The following ABCA2 variants were observed in gnomAD, a reference collection of about 807,000 sequenced individuals.
The protein encoded by ABCA2 is ATP binding cassette subfamily A member 2.
In ABCA2, 84 loss-of-function variants were observed where a neutral mutation model predicts 262.8. The observed-to-expected ratio is 0.32, with a 90% CI of 0.27 to 0.38. The LOEUF (loss-of-function observed/expected upper bound fraction) is 0.38, where lower values mean the gene tolerates loss of function less well. ABCA2 is among the 10% of genes least tolerant of loss of function. The pLI is 1.00. For synonymous variants in ABCA2, 1,696 were observed against 1,502.9 expected (o/e 1.13, Z -2.97); for missense variants, 2,662 against 3,405.9 (o/e 0.78, Z 5.44).
Position 137,008,466 on chromosome 9 carries a change from C to G in ABCA2, c.7225G>C (p.Glu2409Gln). ...CCCTCGTCCTCCGTGTCCAGGTCCTCGGGCTCGTCTGCCACAAGTGCCCGG... is the reference window on the plus strand; with the variant it reads ...CCCTCGTCCTCCGTGTCCAGGTCCTGGGGCTCGTCTGCCACAAGTGCCCGG... ...ELRALVADEP[E>Q]DLDTEDEGLI... is the part of the protein sequence containing the mutation. Residue 2409 changes from glutamate (E) to glutamine (Q), a missense_variant, in exon 48 of 49, where the codon GAG becomes CAG. Glu to Gln is a conservative substitution (Grantham distance 29, BLOSUM62 2). This residue lies in a region of ABCA2 where 212 missense variants were observed against 214.4 expected (regional missense o/e 0.99). Coordinates refer to ENST00000341511, the MANE Select transcript of ABCA2 (RefSeq NM_001606.5). 1.3e-6 allele frequency: 2 copies of G among 1,562,252 alleles called. No individual in the cohort carries two copies. The highest frequency in any genetic ancestry group is 1.7e-6 in the Non-Finnish European group (2 of 1,153,902).
chr9:137,014,636 C>G lies in ABCA2; in HGVS notation c.4003+54G>C. ...CCAGGCAGGAGTGACAGCGCAGGCC[C>G]GAGCTGGGGCCTTGTGGGTGGGGTG... On this transcript the variant is annotated intron_variant, in intron 26 of 48. Transcript: ENST00000341511. The G allele has an allele frequency of 2.5e-6, 4 of 1,572,756 alleles. No individual in the cohort carries two copies. The South Asian group carries it at 4.7e-5, about 18-fold the overall frequency.
intron 2 of ABCA2, 57 bp downstream of exon 2, chr9:137,024,086 A>G: frequency 6.5e-7 from 1 of 1,549,800 alleles, no homozygotes; most frequent in Non-Finnish European, 8.7e-7. Flanking sequence ...CACACAGCGC[A>G]GGCGTGCGAG....
rs764315344 is a variant in ABCA2, at chr9:137,014,339, C to A, written c.4069G>T (p.Ala1357Ser). ...TCCGAGCACCGGGCCAGATTGCCAG[C>A]GTGACCCTCCCCAGACGCCGGGCCC... ...AEGPASGEGH[A>S]GNLARCSELT... Residue 1357 changes from alanine to serine, a missense_variant, in exon 27 of 49, where the codon GCT becomes TCT. This residue lies in a region of ABCA2 where 297 missense variants were observed against 286.5 expected (regional missense o/e 1.04). Transcript: ENST00000341511. The A allele has an allele frequency of 1.2e-6, 2 of 1,606,668 alleles. No individual in the cohort carries two copies. Among genetic ancestry groups the A allele is most frequent in the East Asian group, 2.2e-5 (1 of 44,594 alleles).
Position 137,019,736 on chromosome 9 carries a change from G to A in ABCA2, c.1426-430C>T, listed in dbSNP as rs944887395. The A allele has an allele frequency of 5.0e-6, 1 of 201,286 alleles. No individual in the cohort carries two copies. The highest frequency in any genetic ancestry group is 1.0e-5 in the Non-Finnish European group (1 of 97,310). The allele number at this position is 201,286 out of a possible 1,614,324, so 12.5% of individuals were successfully genotyped here. ...ACGCCCGGGCTCTCCACTCCTTTCT[G>A]CGGCGCTCAGGTGAAACCTGCTTTG... On this transcript the variant is annotated intron_variant, in intron 10 of 48. Coordinates refer to ENST00000341511, the MANE Select transcript of ABCA2 (RefSeq NM_001606.5). The surrounding 1 kb of genome is among the most constrained non-coding windows in gnomAD (Gnocchi z 4.4).
intron 22 of ABCA2, 32 bp from the exon 23 acceptor site, chr9:137,015,903 G>A (rs777885300): frequency 1.9e-6 from 3 of 1,607,584 alleles, no homozygotes; most frequent in Admixed American, 3.3e-5. Flanking sequence ...TGGGGCTGCT[G>A]CTATGCAGAG....
chr9:137,009,282 C>A lies in ABCA2; in HGVS notation c.6827+88G>T, dbSNP rs1486452437. 19 of 1,249,080 alleles carry A rather than the reference C, an allele frequency of 1.5e-5. No individual in the cohort carries two copies. The Middle Eastern group carries it at 1.4e-3, about 93-fold the overall frequency. The allele number at this position is 1,249,080 out of a possible 1,614,324, so 77.4% of individuals were successfully genotyped here. Reference sequence around the variant, plus strand: ...CCCCCTGGCCCCACAGCCCTCACAGCCCTGCAGCCACCCCCACTCCTGGCC... The same window carrying A: ...CCCCCTGGCCCCACAGCCCTCACAGACCTGCAGCCACCCCCACTCCTGGCC... On this transcript the variant is annotated intron_variant, in intron 45 of 48. Coordinates refer to ENST00000341511, the MANE Select transcript of ABCA2 (RefSeq NM_001606.5).
chr9:137,012,859 G>A lies in ABCA2; in HGVS notation c.4934C>T (p.Ala1645Val), dbSNP rs762067339. The stretch of plus-strand genomic sequence containing the variant: ...GGGGCAGGAGAAGCCGGTGCCCTGC[G>A]CAGAGCAGGTGCAGCGGACGGGCTC... The part of the protein sequence containing the change: ...VREPVRCTCS[A>V]QGTGFSCPSS... Residue 1645 changes from alanine to valine, a missense_variant, in exon 31 of 49, where the codon GCG becomes GTG. By Grantham distance (64) the Ala-to-Val change is moderately conservative. Coordinates refer to ENST00000341511, the MANE Select transcript of ABCA2 (RefSeq NM_001606.5). 134 of 1,602,600 alleles carry A rather than the reference G, an allele frequency of 8.4e-5. No homozygotes were observed. Among genetic ancestry groups the A allele is most frequent in the South Asian group, 1.9e-4 (17 of 90,296 alleles).
At position 137,016,189 on chromosome 9, in the gene ABCA2, G is replaced by A. The variant is rs375825270; in HGVS notation, c.3105-15C>T. 35 of 1,612,284 alleles carry A rather than the reference G, an allele frequency of 2.2e-5. No homozygotes were observed. The Admixed American group carries it at 4.2e-4, about 19-fold the overall frequency. On this transcript the variant is annotated splice_polypyrimidine_tract_variant and intron_variant, in intron 21 of 48. Transcript: ENST00000341511. ...TCAGGATGGACCTGGGTAGGTGGGCGGGGTCATGACCCCACGCCCTCTGCA... is the reference window on the plus strand; with the variant it reads ...TCAGGATGGACCTGGGTAGGTGGGCAGGGTCATGACCCCACGCCCTCTGCA...
At chr9:137,022,564 C>A in intron 5 of ABCA2, 86 bp from the exon 6 acceptor site, 1 of 1,566,776 alleles carries the variant, frequency 6.4e-7, no homozygotes. Flanking sequence ...CCCAACACCA[C>A]AGCTCTGCCA....
chr9:137,027,441 G>A (rs532926956), intron 1 of ABCA2: 22 of 152,762 alleles, frequency 1.4e-4, no homozygotes, highest in Non-Finnish European at 2.9e-4. Context: ...GATCAGGCTC[G>A]GGGAGAACTG....
At position 137,020,583 on chromosome 9, in the gene ABCA2, G is replaced by A. The variant is rs111764207; in HGVS notation, c.1266-88C>T. On this transcript the variant is annotated intron_variant, in intron 9 of 48. Coordinates refer to ENST00000341511, the MANE Select transcript of ABCA2 (RefSeq NM_001606.5). ...GGCATCGGGATGGGGCAGGACTTCGGGGCACAGGGCAGGGCGCCAAATGAG... is the reference window on the plus strand; with the variant it reads ...GGCATCGGGATGGGGCAGGACTTCGAGGCACAGGGCAGGGCGCCAAATGAG... 8.0e-3 allele frequency: 12,307 copies of A among 1,545,294 alleles called. 64 individuals carry two copies. The highest frequency in any genetic ancestry group is 0.012 in the Middle Eastern group (61 of 5,054).
In ABCA2 at chr9:137,014,305, TGGGTCAGCTCCGAGCACC is replaced by T. The variant is rs778937299; in HGVS notation, c.4085_4102del (p.Arg1362_Thr1367del). ...CGCCGACTGCAGCGATGCCTGCGAC[TGGGTCAGCTCCGAGCACC>T]GGGCCAGATTGCCAGCGTGACCCTC... On this transcript the variant is annotated inframe_deletion, in exon 27 of 49. Transcript: ENST00000341511. 2.2e-5 allele frequency: 35 copies of T among 1,610,698 alleles called. No homozygotes were observed. Among genetic ancestry groups the T allele is most frequent in the Middle Eastern group, 1.6e-4 (1 of 6,082 alleles).
intron 12 of ABCA2, 35 bp downstream of exon 12, chr9:137,018,868 G>C (rs766455355): frequency 1.4e-4 from 227 of 1,612,170 alleles, no homozygotes; most frequent in Non-Finnish European, 1.8e-4. Flanking sequence ...GAGGCAGGGG[G>C]TGTCGTGGGT....
In ABCA2 at chr9:137,014,754, C is replaced by T. The variant is rs148980220; in HGVS notation, c.3939G>A (p.Thr1313=). 7.4e-3 allele frequency: 11,853 copies of T among 1,600,780 alleles called. 59 individuals are homozygous for T. Among genetic ancestry groups the T allele is most frequent in the Middle Eastern group, 0.012 (74 of 6,052 alleles). The change falls in exon 26 of 49, where the codon ACG becomes ACA. Residue 1313 remains threonine (T), a synonymous_variant. Coordinates refer to ENST00000341511, the MANE Select transcript of ABCA2 (RefSeq NM_001606.5). ...LHLSSFGLMD[T]TLEEVFLKVS... ...CCTTGAGGAACACTTCCTCCAGGGT[C>T]GTGTCCATCAGCCCGAAGCTGCTGA... is the stretch of plus-strand genomic sequence containing the variant.
Position 137,019,082 on chromosome 9 carries a change from G to A in ABCA2, c.1555-12C>T, listed in dbSNP as rs1170134817. 2.5e-6 allele frequency: 4 copies of A among 1,605,354 alleles called. No individual in the cohort carries two copies. The highest frequency in any genetic ancestry group is 1.7e-5 in the Admixed American group (1 of 59,828). ...AGCTCTGCTACATACTTGGGGTGGA[G>A]GGGCGGCTCAGAGGGGGACCTGCGC... On this transcript the variant is annotated splice_polypyrimidine_tract_variant and intron_variant, in intron 11 of 48. Coordinates refer to ENST00000341511, the MANE Select transcript of ABCA2 (RefSeq NM_001606.5). This position sits in a 1 kb window ranked among gnomAD's most constrained non-coding sequence, Gnocchi z 4.4.
Position 137,017,680 on chromosome 9 carries a change from T to C in ABCA2, c.2224A>G (p.Met742Val), listed in dbSNP as rs1831310294. The C allele has an allele frequency of 6.2e-7, 1 of 1,609,232 alleles. No homozygotes were observed. The highest frequency in any genetic ancestry group is 8.5e-7 in the Non-Finnish European group (1 of 1,177,052). The change falls in exon 17 of 49, where the codon ATG (methionine) becomes GTG (valine). Residue 742 changes from methionine to valine, a missense_variant. This residue lies in a region of ABCA2 where 188 missense variants were observed against 343.4 expected (regional missense o/e 0.55). Coordinates refer to ENST00000341511, the MANE Select transcript of ABCA2 (RefSeq NM_001606.5). ...EHRLKEVMKT[M>V]GLNNAVHWVA... ...CAGTGCACCGCGTTGTTCAGGCCCA[T>C]GGTCTTCATCACCTGCGGGTGGGCC...
At chr9:137,016,496 G>A (rs1463437630) in intron 20 of ABCA2, 25 bp from the exon 21 acceptor site, 1 of 1,612,578 alleles carries the variant, frequency 6.2e-7, no homozygotes, top group Non-Finnish European at 8.5e-7. Flanking sequence ...TGGATCAGCA[G>A]GGTGGGGGCG....
Position 137,012,834 on chromosome 9 carries a change from G to A in ABCA2, c.4959C>T (p.Pro1653=). The part of the protein sequence containing the change: ...CSAQGTGFSC[P]SSVGGHPPQM... The stretch of plus-strand genomic sequence containing the variant: ...GGGGCGGGTGCCCGCCCACACTGCT[G>A]GGGCAGGAGAAGCCGGTGCCCTGCG... Residue 1653 remains proline, a synonymous_variant, in exon 31 of 49, where the codon CCC becomes CCT. Transcript: ENST00000341511. 1.2e-6 allele frequency: 2 copies of A among 1,610,886 alleles called. No homozygotes were observed. The highest frequency in any genetic ancestry group is 1.7e-6 in the Non-Finnish European group (2 of 1,179,126).
In ABCA2 at chr9:137,011,819, C is replaced by T. The variant is rs1564214231; in HGVS notation, c.5535+25G>A. 12 of 1,560,046 alleles carry T rather than the reference C, an allele frequency of 7.7e-6. No homozygotes were observed. The highest frequency in any genetic ancestry group is 7.8e-6 in the Non-Finnish European group (9 of 1,153,048). On this transcript the variant is annotated intron_variant, in intron 35 of 48. Coordinates refer to ENST00000341511, the MANE Select transcript of ABCA2 (RefSeq NM_001606.5). This position sits in a 1 kb window ranked among gnomAD's most constrained non-coding sequence, Gnocchi z 8.8. Reference sequence around the variant, plus strand: ...GGATGGGGGATGAGAAGGGCCGGGGCACCCCATGGCCACGCCGGGCGCACC... The same window carrying T: ...GGATGGGGGATGAGAAGGGCCGGGGTACCCCATGGCCACGCCGGGCGCACC...
Sources: allele counts gnomAD v4.1 joint callset, GRCh38; gene constraint gnomAD v4.1.1; regional missense constraint gnomAD v4.1.1; non-coding constraint Gnocchi (gnomAD v3.1); transcripts MANE v1.5; gene names NCBI Gene and HGNC (gene_info 2026-07-23, HGNC 2026-07-21).